Variants in DYNC2LI1 observed in about 807,000 individuals in gnomAD.
DYNC2LI1 encodes dynein cytoplasmic 2 light intermediate chain 1.
DYNC2LI1 carries 45 observed loss-of-function variants against 51.9 expected under a neutral mutation model. That is an observed-to-expected ratio of 0.87 (90% confidence interval 0.68 to 1.11). The LOEUF is 1.11. Ranked by LOEUF, DYNC2LI1 falls within the 50% of genes most tolerant of loss-of-function variation. The probability of loss-of-function intolerance (pLI) is 0.00; values close to 1 mark genes in which losing one functional copy is unlikely to be tolerated. For missense variants in DYNC2LI1, 490 were observed against 417.4 expected (o/e 1.17, Z -1.51); for synonymous variants, 130 against 137.8 (o/e 0.94, Z 0.40).
At chr2:43,798,763 C>G (rs1399729762) in intron 8 of DYNC2LI1, among the ~76,000 whole-genome samples, 1 of 152,186 alleles carries the variant, frequency 6.6e-6, no homozygotes, top group African/African-American at 2.4e-5. Context: ...TGGAGTACTT[C>G]TGGACCACCA....
intron 3 of DYNC2LI1, among the ~76,000 whole-genome samples, chr2:43,786,665 A>T (rs961740178): frequency 1.3e-5 from 2 of 152,082 alleles, no homozygotes; most frequent in South Asian, 2.1e-4. Flanking sequence ...TTTACTAAAA[A>T]TACAAAAAAA....
the DYNC2LI1 span, among the ~76,000 whole-genome samples, chr2:43,827,296 G>C: frequency 6.7e-6 from 1 of 149,230 alleles, no homozygotes; most frequent in Non-Finnish European, 1.5e-5. Context: ...CTGCACTCCA[G>C]CCTGGGCAAC....
At chr2:43,806,338 C>A (rs1011821285) in intron 12 of DYNC2LI1, among the ~76,000 whole-genome samples, 10 of 152,128 alleles carry the variant, frequency 6.6e-5, no homozygotes, top group Admixed American at 5.9e-4. Flanking sequence ...CACGTTGTTG[C>A]GAGGGTAACC....
intron 8 of DYNC2LI1, among the ~76,000 whole-genome samples, chr2:43,798,291 C>G (rs965638095): frequency 1.3e-5 from 2 of 152,074 alleles, no homozygotes; most frequent in African/African-American, 2.4e-5. Flanking sequence ...TTATACCTTT[C>G]AAAACATTAC....
chr2:43,789,816 A>G, intron 5 of DYNC2LI1, 95 bp downstream of exon 5: 3 of 1,029,120 alleles, frequency 2.9e-6, no homozygotes, highest in South Asian at 1.6e-5. Context: ...TTTGGGGCAC[A>G]GTTTTATGTT....
At chr2:43,805,825 A>T (rs886376175) in intron 12 of DYNC2LI1, among the ~76,000 whole-genome samples, 17 of 152,134 alleles carry the variant, frequency 1.1e-4, no homozygotes, top group Admixed American at 6.6e-5. Context: ...CTGATGTAAG[A>T]ATGTTAAGAG....
intron 5 of DYNC2LI1, chr2:43,792,664 T>C: frequency 6.5e-7 from 1 of 1,539,502 alleles, no homozygotes; most frequent in Non-Finnish European, 8.7e-7. Flanking sequence ...CTCCTTGTTT[T>C]TCCTTCCCCA....
At chr2:43,807,829 G>C (rs1407385322) in intron 12 of DYNC2LI1, among the ~76,000 whole-genome samples, 2 of 148,356 alleles carry the variant, frequency 1.3e-5, no homozygotes, top group East Asian at 3.9e-4. Context: ...GTTATCTTCG[G>C]AAAACTTTAC....
intron 5 of DYNC2LI1, among the ~76,000 whole-genome samples, chr2:43,791,188 T>C (rs1673765856): frequency 1.3e-5 from 2 of 152,130 alleles, no homozygotes; most frequent in South Asian, 4.1e-4. Context: ...ACCACTGTAC[T>C]CCAGCCTGAG....
At chr2:43,787,153 G>T (rs1445117502) in intron 3 of DYNC2LI1, 28 bp from the exon 4 acceptor site, 1 of 1,573,988 alleles carries the variant, frequency 6.4e-7, no homozygotes, top group South Asian at 1.1e-5. Context: ...CACCTACAAT[G>T]ATAATACTAT....
intron 1 of DYNC2LI1, among the ~76,000 whole-genome samples, chr2:43,775,500 T>C (rs1011647867): frequency 6.7e-6 from 1 of 149,494 alleles, no homozygotes; most frequent in Non-Finnish European, 1.5e-5. Flanking sequence ...TTCTTTATGG[T>C]TTTTTTTTGG....
chr2:43,805,031 C>A, intron 11 of DYNC2LI1, 123 bp from the exon 12 acceptor site: 1 of 631,078 alleles, frequency 1.6e-6, no homozygotes, highest in Non-Finnish European at 2.7e-6. Flanking sequence ...ATGAGAAAAG[C>A]TAGAAAGATC....
At chr2:43,776,445 C>T (rs947239811) in intron 1 of DYNC2LI1, among the ~76,000 whole-genome samples, 1 of 152,144 alleles carries the variant, frequency 6.6e-6, no homozygotes, top group Non-Finnish European at 1.5e-5. Context: ...TCAAGTTGTA[C>T]ATTCCCAAAG....
chr2:43,780,574 G>T (rs929676933), intron 2 of DYNC2LI1, among the ~76,000 whole-genome samples: 3 of 152,196 alleles, frequency 2.0e-5, no homozygotes, highest in Non-Finnish European at 4.4e-5. Context: ...CAAGGCTGCA[G>T]AGGAAGGGGT....
the DYNC2LI1 span, among the ~76,000 whole-genome samples, chr2:43,820,491 C>T: frequency 2.6e-5 from 4 of 152,260 alleles, no homozygotes; most frequent in South Asian, 6.2e-4. Context: ...GCTCACCCAA[C>T]CCGCTTCCCA....
chr2:43,808,414 C>G (rs1485291565), intron 12 of DYNC2LI1, among the ~76,000 whole-genome samples: 1 of 152,216 alleles, frequency 6.6e-6, no homozygotes, highest in East Asian at 1.9e-4. Flanking sequence ...CTTTTCATAG[C>G]AACTGTGAAC....
chr2:43,791,689 C>T (rs935261656), intron 5 of DYNC2LI1, among the ~76,000 whole-genome samples: 2 of 152,184 alleles, frequency 1.3e-5, no homozygotes, highest in Non-Finnish European at 2.9e-5. Context: ...CACATAATTT[C>T]CTTGTGTTGG....
chr2:43,826,322 C>G, the DYNC2LI1 span: 4 of 1,611,092 alleles, frequency 2.5e-6, no homozygotes, highest in Non-Finnish European at 3.4e-6. Flanking sequence ...CTTGCCCCTG[C>G]CCCTGTGATT....
intron 2 of DYNC2LI1, among the ~76,000 whole-genome samples, chr2:43,779,229 A>G (rs546387117): frequency 3.7e-4 from 57 of 152,328 alleles, no homozygotes; most frequent in Admixed American, 2.0e-3. Flanking sequence ...TTGTGCCACT[A>G]CACTCTAGCC....
Sources: gnomAD v4.1 joint callset for allele counts (sites outside exome capture counted in the v4.1 genomes callset) on GRCh38, gnomAD v4.1.1 for gene constraint, MANE v1.5 for transcripts, NCBI Gene and HGNC (gene_info 2026-07-23, HGNC 2026-07-21) for gene names.